Variants in TBC1D5 observed in about 807,000 individuals in gnomAD.
The protein encoded by TBC1D5 is TBC1 domain family member 5.
TBC1D5 carries 75 observed loss-of-function variants against 100.3 expected under a neutral mutation model. The observed-to-expected ratio is 0.75, with a 90% CI of 0.62 to 0.91. The LOEUF (loss-of-function observed/expected upper bound fraction) is 0.91, where lower values mean the gene tolerates loss of function less well. Ranked by LOEUF, TBC1D5 falls within the 40% of genes least tolerant of loss-of-function variation. The probability of loss-of-function intolerance (pLI) is 0.00; values close to 1 mark genes in which losing one functional copy is unlikely to be tolerated. For missense variants in TBC1D5, 910 were observed against 942.4 expected, an observed-to-expected ratio of 0.97 and a Z score of 0.45; for synonymous variants, 323 against 325.6, an observed-to-expected ratio of 0.99 and a Z score of 0.09.
At chr3:17,586,473 T>C (rs2096733785) in intron 2 of TBC1D5, 1 of 152,036 alleles carries the variant, frequency 6.6e-6, no homozygotes, top group Admixed American at 6.6e-5. Context: ...AAGTCTTGGT[T>C]TGCAAACAGA....
At chr3:17,739,990 G>A (rs1171470484) in exon 1 of TBC1D5, 3 of 150,692 alleles carry the variant, frequency 2.0e-5, no homozygotes, top group Non-Finnish European at 2.9e-5. Context: ...GGACAAGAGC[G>A]AAACTCCTTT....
chr3:17,232,289 T>C (rs932369831), intron 17 of TBC1D5, among the ~76,000 whole-genome samples: 5 of 152,130 alleles, frequency 3.3e-5, no homozygotes, highest in African/African-American at 9.7e-5. Flanking sequence ...CCATATCCTA[T>C]GTCTTGCAGA....
intron 13 of TBC1D5, among the ~76,000 whole-genome samples, chr3:17,360,228 G>A (rs2091576399): frequency 6.6e-6 from 1 of 151,950 alleles, no homozygotes; most frequent in South Asian, 2.1e-4. Context: ...ACCCTTGTTA[G>A]ATGGTATTTT....
At chr3:17,423,309 CTGTTT>C (rs2149297528) in intron 4 of TBC1D5, among the ~76,000 whole-genome samples, 1 of 152,068 alleles carries the variant, frequency 6.6e-6, no homozygotes, top group South Asian at 2.1e-4. Context: ...AAAAGTATGA[CTGTTT>C]TATTTAAAAA....
chr3:17,524,048 C>G (rs1019514841), intron 2 of TBC1D5, among the ~76,000 whole-genome samples: 1 of 152,100 alleles, frequency 6.6e-6, no homozygotes, highest in Non-Finnish European at 1.5e-5. Context: ...AATAAGTAAG[C>G]AGGTATCATT....
At chr3:17,277,602 T>C (rs1487731106) in intron 15 of TBC1D5, among the ~76,000 whole-genome samples, 3 of 152,238 alleles carry the variant, frequency 2.0e-5, no homozygotes, top group African/African-American at 2.4e-5. Context: ...GTTGGAAGGG[T>C]AATCGAGCTG....
chr3:17,712,342 C>G (rs1046455838), intron 1 of TBC1D5, among the ~76,000 whole-genome samples: 1 of 152,092 alleles, frequency 6.6e-6, no homozygotes, highest in Admixed American at 6.5e-5. Context: ...AAATCAGAAC[C>G]GCAAAGCTGC....
At chr3:17,435,207 T>G (rs2094513874) in intron 3 of TBC1D5, among the ~76,000 whole-genome samples, 1 of 152,200 alleles carries the variant, frequency 6.6e-6, no homozygotes, top group African/African-American at 2.4e-5. Context: ...TGTCTTCTTC[T>G]GAGCCCTCAA....
At chr3:17,550,019 G>A (rs1258931775) in intron 2 of TBC1D5, among the ~76,000 whole-genome samples, 2 of 151,680 alleles carry the variant, frequency 1.3e-5, no homozygotes, top group Non-Finnish European at 2.9e-5. Flanking sequence ...GGATTGTCAT[G>A]TGAAAGATAC....
intron 15 of TBC1D5, among the ~76,000 whole-genome samples, chr3:17,261,786 G>T (rs1316258635): frequency 2.0e-5 from 3 of 151,726 alleles, no homozygotes; most frequent in African/African-American, 7.3e-5. Flanking sequence ...GCCTTCCAAA[G>T]TGCTGTTATT....
At chr3:17,547,560 C>T (rs930218848) in intron 2 of TBC1D5, among the ~76,000 whole-genome samples, 1 of 152,126 alleles carries the variant, frequency 6.6e-6, no homozygotes, top group Non-Finnish European at 1.5e-5. Context: ...TTTCTTTTTC[C>T]TATTTTTGAT....
At chr3:17,321,737 T>C (rs1380667873) in intron 13 of TBC1D5, among the ~76,000 whole-genome samples, 2 of 152,224 alleles carry the variant, frequency 1.3e-5, no homozygotes. Flanking sequence ...GCTAGTTCTT[T>C]CTTGAGGGTT....
At chr3:17,191,244 A>G (rs540958591) in intron 18 of TBC1D5, among the ~76,000 whole-genome samples, 1 of 152,274 alleles carries the variant, frequency 6.6e-6, no homozygotes, top group South Asian at 2.1e-4. Context: ...ACCAGATAGC[A>G]AAGTTCTTTG....
intron 1 of TBC1D5, among the ~76,000 whole-genome samples, chr3:17,631,846 T>C (rs1435472059): frequency 2.6e-5 from 4 of 152,252 alleles, no homozygotes; most frequent in Admixed American, 6.5e-5. Context: ...CTGCTGCTCA[T>C]TGACAATGTG....
chr3:17,521,721 T>C (rs1240351228), intron 2 of TBC1D5, among the ~76,000 whole-genome samples: 3 of 152,216 alleles, frequency 2.0e-5, no homozygotes, highest in Non-Finnish European at 4.4e-5. Context: ...TAAAATATTA[T>C]GTTAACTCTT....
At chr3:17,492,339 T>G (rs1305111845) in intron 3 of TBC1D5, among the ~76,000 whole-genome samples, 3 of 152,178 alleles carry the variant, frequency 2.0e-5, no homozygotes, top group Non-Finnish European at 4.4e-5. Context: ...CTTTGGGGTT[T>G]GTCTGCTATT....
chr3:17,723,447 G>A (rs1443935029), intron 1 of TBC1D5, among the ~76,000 whole-genome samples: 4 of 152,122 alleles, frequency 2.6e-5, no homozygotes, highest in African/African-American at 9.7e-5. Context: ...TTTGAACAGA[G>A]CAAAGATCCA....
At chr3:17,336,491 T>A (rs568112874) in intron 13 of TBC1D5, among the ~76,000 whole-genome samples, 1 of 152,144 alleles carries the variant, frequency 6.6e-6, no homozygotes, top group Non-Finnish European at 1.5e-5. Context: ...AGGTCACGGC[T>A]GAGGTCTCTG....
At chr3:17,412,970 T>C (rs935562343) in intron 4 of TBC1D5, among the ~76,000 whole-genome samples, 4 of 152,266 alleles carry the variant, frequency 2.6e-5, no homozygotes, top group Admixed American at 2.0e-4. Context: ...CCCATGGACA[T>C]GCAGATAACT....
Sources: gnomAD v4.1 joint callset for allele counts (sites outside exome capture counted in the v4.1 genomes callset) on GRCh38, gnomAD v4.1.1 for gene constraint, MANE v1.5 for transcripts, NCBI Gene and HGNC (gene_info 2026-07-23, HGNC 2026-07-21) for gene names.